Variants in CREB5 observed in about 807,000 individuals in gnomAD.
The protein encoded by CREB5 is cyclic AMP-responsive element-binding protein 5.
Under a neutral mutation model 57.1 loss-of-function variants are expected in CREB5, and 19 were observed. The observed-to-expected ratio is 0.33, with a 90% CI of 0.23 to 0.49. The LOEUF is 0.49. Ranked by LOEUF, CREB5 falls within the 20% of genes least tolerant of loss-of-function variation. CREB5 has a pLI of 0.99. For missense variants in CREB5, 579 were observed against 671.6 expected, an observed-to-expected ratio of 0.86 and a Z score of 1.52; for synonymous variants, 238 against 238.3, an observed-to-expected ratio of 1.00 and a Z score of 0.01.
At chr7:28,693,115 G>C (rs1801360903) in intron 5 of CREB5, among the ~76,000 whole-genome samples, 1 of 152,070 alleles carries the variant, frequency 6.6e-6, no homozygotes, top group Admixed American at 6.6e-5. Context: ...TCTTCACATG[G>C]TACCAAAAAA....
chr7:28,447,083 C>T (rs1186790868), intron 1 of CREB5, among the ~76,000 whole-genome samples: 1 of 152,184 alleles, frequency 6.6e-6, no homozygotes, highest in African/African-American at 2.4e-5. Flanking sequence ...GAGATCAGGA[C>T]ACCACCTCCC....
intron 1 of CREB5, among the ~76,000 whole-genome samples, chr7:28,472,019 G>T (rs571659412): frequency 6.6e-6 from 1 of 152,088 alleles, no homozygotes; most frequent in African/African-American, 2.4e-5. Context: ...AAATTACTCA[G>T]TTCTGTAAAG....
chr7:28,813,043 G>C (rs1809219168), intron 9 of CREB5, among the ~76,000 whole-genome samples: 1 of 152,106 alleles, frequency 6.6e-6, no homozygotes, highest in South Asian at 2.1e-4. Context: ...CTCTGCCCAA[G>C]AGGTCAAAAA....
chr7:28,789,267 G>A (rs1388472939), intron 7 of CREB5, among the ~76,000 whole-genome samples: 2 of 152,152 alleles, frequency 1.3e-5, no homozygotes, highest in Admixed American at 6.5e-5. Context: ...CATGAGGTTC[G>A]TGGATTTCAT....
chr7:28,481,783 C>G (rs1293014623), intron 1 of CREB5, among the ~76,000 whole-genome samples: 1 of 151,972 alleles, frequency 6.6e-6, no homozygotes, highest in Non-Finnish European at 1.5e-5. Context: ...GACAGACAGA[C>G]AGACATAAGG....
chr7:28,376,271 C>CTTT (rs11386292), intron 1 of CREB5, among the ~76,000 whole-genome samples: 28 of 130,574 alleles, frequency 2.1e-4, no homozygotes, highest in Non-Finnish European at 3.2e-4. Context: ...CAGAGAAGTA[C>CTTT]TTTTTTTTTT....
intron 1 of CREB5, among the ~76,000 whole-genome samples, chr7:28,340,442 G>A (rs77493107): frequency 7.4e-4 from 112 of 152,314 alleles, no homozygotes; most frequent in African/African-American, 2.4e-3. Context: ...TTGTCTGGGA[G>A]CTAGGGCCTG....
intron 4 of CREB5, among the ~76,000 whole-genome samples, chr7:28,519,172 C>T (rs1384814791): frequency 6.6e-6 from 1 of 152,154 alleles, no homozygotes; most frequent in African/African-American, 2.4e-5. Flanking sequence ...GCGTCTTTTT[C>T]CTGCATGTCA....
At position 28,756,169 on chromosome 7, in the gene CREB5, C is replaced by T. The variant is rs1362887326; in HGVS notation, c.702+31837C>T. ...CAGGCCTGGCTGAGGTTCAGTGATG[C>T]TGTGGCCTATAAGAGAGAAGTGGAA... On this transcript the variant is annotated intron_variant, in intron 7 of 10. Coordinates refer to ENST00000357727, the MANE Select transcript of CREB5 (RefSeq NM_182898.4). Among the ~76,000 whole-genome samples, 3 of 152,220 alleles carry T rather than the reference C, an allele frequency of 2.0e-5. No homozygotes were observed. The East Asian group carries it at 5.8e-4, about 29-fold the overall frequency.
At chr7:28,410,389 T>TC (rs1285919821), upstream of CREB5, 2 of 456,536 alleles carry the variant, frequency 4.4e-6, no homozygotes, top group East Asian at 6.9e-5. Context: ...CGGCGGAGTC[T>TC]CCCCCTGCGG....
At chr7:28,326,133 A>G (rs1408723812) in intron 1 of CREB5, among the ~76,000 whole-genome samples, 1 of 151,898 alleles carries the variant, frequency 6.6e-6, no homozygotes, top group African/African-American at 2.4e-5. Context: ...CTCAGGAGAC[A>G]GAACTGGTAC....
In CREB5 at chr7:28,725,254, C is replaced by G. The variant is rs190946254; in HGVS notation, c.702+922C>G. 6.2e-4 allele frequency among the ~76,000 whole-genome samples: 95 copies of G among 152,276 alleles called. 2 individuals carry two copies. Among genetic ancestry groups the G allele is most frequent in the South Asian group, 3.3e-3 (16 of 4,826 alleles). ...TGTTGTTGACAGTTCTGAAAGTTAG[C>G]CATCAATTCCTGTGCAGGGTGGAGT... On this transcript the variant is annotated intron_variant, in intron 7 of 10. Transcript: ENST00000357727.
intron 4 of CREB5, among the ~76,000 whole-genome samples, chr7:28,560,845 C>CGTGTGCGTGCGTGCGCGT (rs1396686194): frequency 7.3e-5 from 3 of 41,320 alleles, no homozygotes; most frequent in African/African-American, 1.6e-4. Flanking sequence ...TGTGTGTGTG[C>CGTGTGCGTGCGTGCGCGT]GCGTGTGTGT....
intron 1 of CREB5, among the ~76,000 whole-genome samples, chr7:28,400,356 AGATATAACAGGCTT>A (rs1399650878): frequency 3.9e-5 from 6 of 152,230 alleles, no homozygotes; most frequent in Non-Finnish European, 8.8e-5. Context: ...ACATGATGGA[AGATATAACAGGCTT>A]GACCCAGAGT....
At chr7:28,770,401 AT>A (rs1438698627) in intron 7 of CREB5, among the ~76,000 whole-genome samples, 1 of 151,788 alleles carries the variant, frequency 6.6e-6, no homozygotes, top group Non-Finnish European at 1.5e-5. Context: ...GCATTTCCAC[AT>A]TCTCTTATAA....
At chr7:28,484,843 G>C (rs1791489555) in intron 1 of CREB5, among the ~76,000 whole-genome samples, 1 of 152,114 alleles carries the variant, frequency 6.6e-6, no homozygotes, top group African/African-American at 2.4e-5. Flanking sequence ...AGATTAGATT[G>C]CTCATATTCC....
chr7:28,403,350 C>A (rs1212285434), intron 1 of CREB5, among the ~76,000 whole-genome samples: 1 of 152,160 alleles, frequency 6.6e-6, no homozygotes, highest in African/African-American at 2.4e-5. Context: ...TTCTAAATGC[C>A]AGGCACAGGG....
chr7:28,616,761 A>G (rs1368979025), intron 5 of CREB5, among the ~76,000 whole-genome samples: 2 of 151,902 alleles, frequency 1.3e-5, no homozygotes, highest in African/African-American at 4.9e-5. Flanking sequence ...TTCAGCTTAA[A>G]CAGTTTATGA....
At chr7:28,560,855 T>TGCGTGCGTGCGCGTGCGCGTGCGTGC (rs1554344299) in intron 4 of CREB5, among the ~76,000 whole-genome samples, 1 of 56,388 alleles carries the variant, frequency 1.8e-5, no homozygotes, top group Non-Finnish European at 3.5e-5. Flanking sequence ...CGCGTGTGTG[T>TGCGTGCGTGCGCGTGCGCGTGCGTGC]GTGCGTGTGC....
Sources: gnomAD v4.1 joint callset for allele counts (sites outside exome capture counted in the v4.1 genomes callset) on GRCh38, gnomAD v4.1.1 for gene constraint, MANE v1.5 for transcripts, NCBI Gene and HGNC (gene_info 2026-07-23, HGNC 2026-07-21) for gene names.